PREX2: variants seen among roughly 807,000 people sequenced by gnomAD.
PREX2 encodes the protein phosphatidylinositol-3,4,5-trisphosphate dependent Rac exchange factor 2.
In PREX2, 107 loss-of-function variants were observed where a neutral mutation model predicts 203.2. That is an observed-to-expected ratio of 0.53 (90% confidence interval 0.45 to 0.62). PREX2 has a LOEUF of 0.62. Among genes scored for constraint, PREX2 ranks in the 20% least tolerant of loss-of-function variants. PREX2 has a pLI of 0.00. For synonymous variants in PREX2, 672 were observed against 663.6 expected (o/e 1.01, Z -0.19); for missense variants, 1,777 against 1,955.9 (o/e 0.91, Z 1.72).
At chr8:68,170,972 T>C (rs867260845) in intron 35 of PREX2, among the ~76,000 whole-genome samples, 4 of 152,214 alleles carry the variant, frequency 2.6e-5, no homozygotes, top group Admixed American at 6.5e-5. Flanking sequence ...GTGTTCTTCG[T>C]GTCAAAGTAT....
At chr8:68,131,397 A>G (rs1811006879) in intron 31 of PREX2, among the ~76,000 whole-genome samples, 1 of 152,164 alleles carries the variant, frequency 6.6e-6, no homozygotes, top group Non-Finnish European at 1.5e-5. Flanking sequence ...GCAACAGAAA[A>G]TTATCTCATG....
intron 5 of PREX2, among the ~76,000 whole-genome samples, chr8:68,029,834 TA>T (rs1238484424): frequency 6.6e-6 from 1 of 151,990 alleles, no homozygotes; most frequent in Non-Finnish European, 1.5e-5. Flanking sequence ...AAAATATAAA[TA>T]AAAAGACCCT....
At chr8:68,009,734 CTT>C (rs377269960) in intron 1 of PREX2, among the ~76,000 whole-genome samples, 19 of 152,164 alleles carry the variant, frequency 1.2e-4, no homozygotes, top group African/African-American at 4.3e-4. Context: ...AATATAATGA[CTT>C]ATGATACATA....
At chr8:68,045,485 A>G (rs777782072) in intron 8 of PREX2, among the ~76,000 whole-genome samples, 2 of 152,114 alleles carry the variant, frequency 1.3e-5, no homozygotes, top group African/African-American at 2.4e-5. Flanking sequence ...ATCTGTCAGA[A>G]GCACAGAATT....
chr8:68,201,270 T>G (rs1429900928), intron 37 of PREX2, among the ~76,000 whole-genome samples: 1 of 152,180 alleles, frequency 6.6e-6, no homozygotes. Context: ...TGATTCTCTT[T>G]TTTTTGCATG....
chr8:67,965,040 T>C (rs1223199091), intron 1 of PREX2, among the ~76,000 whole-genome samples: 1 of 152,106 alleles, frequency 6.6e-6, no homozygotes, highest in Admixed American at 6.5e-5. Flanking sequence ...ACTTGTTGAC[T>C]CCGGAAGTAC....
Position 68,098,064 on chromosome 8 carries a change from G to T in PREX2, c.2553+863G>T, listed in dbSNP as rs540985024. Among the ~76,000 whole-genome samples, 10 of 152,254 alleles carry T rather than the reference G, an allele frequency of 6.6e-5. No individual in the cohort carries two copies. The East Asian group carries it at 1.9e-3, about 29-fold the overall frequency. On this transcript the variant is annotated intron_variant, in intron 22 of 39. Coordinates refer to ENST00000288368, the MANE Select transcript of PREX2 (RefSeq NM_024870.4). ...GAAACAAGATGGAGAGGAAGGAAGGGAGCCTTTATCCAAATTAATAAAATA... is the reference window on the plus strand; with the variant it reads ...GAAACAAGATGGAGAGGAAGGAAGGTAGCCTTTATCCAAATTAATAAAATA...
chr8:68,114,442 C>G, intron 25 of PREX2: 1 of 391,704 alleles, frequency 2.6e-6, no homozygotes, highest in Non-Finnish European at 5.3e-6. Context: ...TTGAGAAGCC[C>G]TATATGGGTC....
At chr8:68,033,346 G>C (rs1203224104) in intron 6 of PREX2, among the ~76,000 whole-genome samples, 1 of 152,114 alleles carries the variant, frequency 6.6e-6, no homozygotes, top group Non-Finnish European at 1.5e-5. Flanking sequence ...TATTGCAGAA[G>C]TCAAATGAAA....
chr8:68,109,746 T>C (rs1362520675), intron 25 of PREX2, 123 bp downstream of exon 25: 3 of 752,992 alleles, frequency 4.0e-6, no homozygotes, highest in Non-Finnish European at 4.4e-6. Context: ...GCTGATTATA[T>C]AGATCCTCTT....
chr8:68,092,289 A>G (rs561284292), intron 20 of PREX2, among the ~76,000 whole-genome samples: 2 of 152,326 alleles, frequency 1.3e-5, no homozygotes, highest in South Asian at 2.1e-4. Flanking sequence ...GGTGCGGCTC[A>G]TTGGTGGCCA....
intron 11 of PREX2, 98 bp downstream of exon 11, chr8:68,060,877 G>A: frequency 3.9e-6 from 3 of 776,324 alleles, no homozygotes; most frequent in Non-Finnish European, 6.2e-6. Context: ...CCACATTATA[G>A]GATGCTTGTT....
At chr8:68,187,203 C>T (rs998446847) in intron 35 of PREX2, among the ~76,000 whole-genome samples, 1 of 152,120 alleles carries the variant, frequency 6.6e-6, no homozygotes, top group African/African-American at 2.4e-5. Context: ...CCTAGTTAAG[C>T]CGTTTAAATG....
chr8:68,039,227 T>C (rs940582601), intron 7 of PREX2, among the ~76,000 whole-genome samples: 14 of 152,132 alleles, frequency 9.2e-5, no homozygotes, highest in African/African-American at 3.4e-4. Flanking sequence ...ACAAGATCTT[T>C]GTTCACTCTC....
At chr8:68,076,800 G>T (rs187083267) in intron 14 of PREX2, among the ~76,000 whole-genome samples, 182 of 151,128 alleles carry the variant, frequency 1.2e-3, no homozygotes, top group African/African-American at 4.2e-3. Flanking sequence ...AAAAGAAAAA[G>T]GTTGCTTTGG....
chr8:68,140,573 C>T (rs137943771), intron 33 of PREX2, among the ~76,000 whole-genome samples: 1 of 152,290 alleles, frequency 6.6e-6, no homozygotes, highest in East Asian at 1.9e-4. Context: ...GACTAGTTGG[C>T]TGCATGCCTT....
chr8:67,956,483 G>T (rs1448337862), intron 1 of PREX2, among the ~76,000 whole-genome samples: 1 of 152,160 alleles, frequency 6.6e-6, no homozygotes, highest in African/African-American at 2.4e-5. Context: ...CTGATGGGAC[G>T]GTGGACATGA....
chr8:68,045,497 C>T (rs933152819), intron 8 of PREX2, among the ~76,000 whole-genome samples: 4 of 152,064 alleles, frequency 2.6e-5, no homozygotes, highest in Admixed American at 2.0e-4. Context: ...CACAGAATTT[C>T]AAATGCTCAC....
chr8:68,098,787 T>G (rs554046932), intron 22 of PREX2, among the ~76,000 whole-genome samples: 6 of 151,898 alleles, frequency 4.0e-5, no homozygotes, highest in Admixed American at 1.3e-4. Flanking sequence ...TACTCCATAG[T>G]CTGCATAAAA....
Sources: allele counts gnomAD v4.1 joint callset (sites outside exome capture counted in the v4.1 genomes callset), GRCh38; gene constraint gnomAD v4.1.1; transcripts MANE v1.5; gene names NCBI Gene and HGNC (gene_info 2026-07-23, HGNC 2026-07-21).